ATL3: variants seen among roughly 807,000 people sequenced by gnomAD.
ATL3 encodes atlastin-3.
In ATL3, 49 loss-of-function variants were observed where a neutral mutation model predicts 69.5. That is an observed-to-expected ratio of 0.71 (90% confidence interval 0.56 to 0.89). The LOEUF (loss-of-function observed/expected upper bound fraction) is 0.89, where lower values mean the gene tolerates loss of function less well. Among genes scored for constraint, ATL3 ranks in the 40% least tolerant of loss-of-function variants. The pLI, the probability that ATL3 is intolerant of heterozygous loss-of-function variation, is 0.00. For synonymous variants in ATL3, 214 were observed against 224.1 expected (o/e 0.95, Z 0.40); for missense variants, 606 against 645.7 (o/e 0.94, Z 0.67).
chr11:63,670,333 G>T (rs1226717468), intron 1 of ATL3: 1 of 152,194 alleles, frequency 6.6e-6, no homozygotes, highest in South Asian at 2.1e-4. Flanking sequence ...ATCTCCAAAA[G>T]TAAGCCAATA....
chr11:63,635,477 T>C (rs1939483359), intron 10 of ATL3, 57 bp downstream of exon 10: 1 of 1,404,566 alleles, frequency 7.1e-7, no homozygotes. Flanking sequence ...GCTTATTGTA[T>C]ACAGGTCAAC....
chr11:63,650,978 A>G (rs1940057929), intron 5 of ATL3, among the ~76,000 whole-genome samples: 2 of 152,190 alleles, frequency 1.3e-5, no homozygotes, highest in African/African-American at 4.8e-5. Context: ...ATAAACATAA[A>G]ATAGAACTAA....
intron 1 of ATL3, among the ~76,000 whole-genome samples, chr11:63,665,244 C>T (rs767961790): frequency 4.6e-5 from 7 of 151,210 alleles, no homozygotes; most frequent in Non-Finnish European, 7.4e-5. Context: ...ACTCGGGAGG[C>T]TGAGGCAGGA....
intron 8 of ATL3, among the ~76,000 whole-genome samples, chr11:63,640,482 G>A (rs1565273036): frequency 6.6e-6 from 1 of 151,098 alleles, no homozygotes; most frequent in Non-Finnish European, 1.5e-5. Flanking sequence ...CGATGGGGGG[G>A]ATCTCCCTAT....
chr11:63,657,778 AAC>A, intron 3 of ATL3, among the ~76,000 whole-genome samples: 1 of 152,314 alleles, frequency 6.6e-6, no homozygotes, highest in East Asian at 1.9e-4. Flanking sequence ...TTCAGAAAAT[AAC>A]AGTTCATAAA....
At chr11:63,630,820 G>T (rs1178933539) in intron 12 of ATL3, among the ~76,000 whole-genome samples, 3 of 150,836 alleles carry the variant, frequency 2.0e-5, no homozygotes, top group Non-Finnish European at 2.9e-5. Flanking sequence ...AAAAAAAAGC[G>T]GGGCGGGGGC....
rs1030170360 is a variant in ATL3 at position 63,625,598 on chromosome 11, A to G, written c.*3721T>C. On this transcript the variant is annotated 3_prime_UTR_variant, in exon 13 of 13. Transcript: ENST00000398868. Reference sequence around the variant, plus strand: ...CACCATTTTACAAGCCAAGTAGAACACTGTGTGTGATCCACTAATGAAACC... The same window carrying G: ...CACCATTTTACAAGCCAAGTAGAACGCTGTGTGTGATCCACTAATGAAACC... The G allele has an allele frequency of 6.6e-6, 1 of 152,272 alleles. No individual in the cohort carries two copies. Among genetic ancestry groups the G allele is most frequent in the African/African-American group, 2.4e-5 (1 of 41,464 alleles). The allele number at this position is 152,272 out of a possible 1,614,324, so 9.4% of individuals were successfully genotyped here.
At chr11:63,638,505 G>C (rs1939592365) in intron 8 of ATL3, among the ~76,000 whole-genome samples, 1 of 152,156 alleles carries the variant, frequency 6.6e-6, no homozygotes, top group Non-Finnish European at 1.5e-5. Context: ...AGGAGTTCAA[G>C]ACCAGCCTGG....
intron 3 of ATL3, among the ~76,000 whole-genome samples, chr11:63,655,193 C>T (rs561266799): frequency 6.6e-6 from 1 of 152,132 alleles, no homozygotes; most frequent in Non-Finnish European, 1.5e-5. Context: ...TTCCTCATTA[C>T]TGAGGCAAGA....
chr11:63,634,038 CAAAAAA>C (rs1158615731), intron 10 of ATL3, among the ~76,000 whole-genome samples: 2 of 76,106 alleles, frequency 2.6e-5, no homozygotes, highest in African/African-American at 9.6e-5. Context: ...CTGTCTCAAA[CAAAAAA>C]AAAAAAAAAA....
At chr11:63,670,451 T>G (rs1940735385) in intron 1 of ATL3, 1 of 152,248 alleles carries the variant, frequency 6.6e-6, no homozygotes, top group East Asian at 1.9e-4. Flanking sequence ...TTCACTGTTC[T>G]TTTCCTTTTT....
chr11:63,659,331 TAA>T (rs1380993910), intron 1 of ATL3, 79 bp from the exon 2 acceptor site: 2 of 1,275,058 alleles, frequency 1.6e-6, no homozygotes, highest in African/African-American at 3.0e-5. Context: ...AAAAACTTCT[TAA>T]ACAGGGGACA....
At chr11:63,652,877 G>A (rs1940124116) in intron 3 of ATL3, among the ~76,000 whole-genome samples, 4 of 152,182 alleles carry the variant, frequency 2.6e-5, no homozygotes, top group Admixed American at 2.6e-4. Context: ...GATGTTTCCT[G>A]TTGTTGAAAA....
At chr11:63,637,159 C>T (rs1258781240) in intron 8 of ATL3, among the ~76,000 whole-genome samples, 2 of 151,970 alleles carry the variant, frequency 1.3e-5, no homozygotes, top group Non-Finnish European at 2.9e-5. Flanking sequence ...CACCTGTAAT[C>T]CCAGCTACTC....
intron 3 of ATL3, among the ~76,000 whole-genome samples, chr11:63,656,938 G>A (rs922400339): frequency 5.3e-5 from 8 of 151,928 alleles, no homozygotes; most frequent in Admixed American, 1.3e-4. Flanking sequence ...GTGGCCAGGT[G>A]TGGTGGCTCA....
At position 63,633,052 on chromosome 11, in the gene ATL3, C is replaced by T. The variant is rs1565268762; in HGVS notation, c.1081G>A (p.Asp361Asn). ...TCTTCCATGTTGTTATAATAAATGT[C>T]CTTGGCAGAGGCTGCAGCTGCTAAG... ...NNLAAAASAKDIYYNNMEEVC... is the reference protein window; with the variant it reads ...NNLAAAASAKNIYYNNMEEVC... The change falls in exon 11 of 13, where the codon GAC becomes AAC. Residue 361 changes from aspartate (D) to asparagine (N), a missense_variant. Transcript: ENST00000398868. The T allele has an allele frequency of 6.2e-7, 1 of 1,614,128 alleles. No homozygotes were observed.
intron 1 of ATL3, among the ~76,000 whole-genome samples, chr11:63,667,765 A>G (rs1240099497): frequency 6.9e-6 from 1 of 144,778 alleles, no homozygotes; most frequent in Non-Finnish European, 1.5e-5. Context: ...CTCTGTATCA[A>G]AAAAAAAAAA....
At chr11:63,659,813 G>C (rs1263607208) in intron 1 of ATL3, among the ~76,000 whole-genome samples, 2 of 150,980 alleles carry the variant, frequency 1.3e-5, no homozygotes, top group Admixed American at 1.3e-4. Context: ...GCACGCACCT[G>C]TAAGTCCTAG....
chr11:63,647,607 T>C (rs1446624738), intron 5 of ATL3, among the ~76,000 whole-genome samples: 1 of 152,370 alleles, frequency 6.6e-6, no homozygotes, highest in South Asian at 2.1e-4. Flanking sequence ...GGAATATTTG[T>C]CTGTTTTGTG....
Sources: allele counts gnomAD v4.1 joint callset (sites outside exome capture counted in the v4.1 genomes callset), GRCh38; gene constraint gnomAD v4.1.1; transcripts MANE v1.5; gene names NCBI Gene and HGNC (gene_info 2026-07-23, HGNC 2026-07-21).